LSAMP: variants seen among roughly 807,000 people sequenced by gnomAD.
The protein encoded by LSAMP is limbic system associated membrane protein.
A neutral mutation model predicts 38.6 loss-of-function variants in LSAMP; 7 were observed. That is an observed-to-expected ratio of 0.18 (90% CI 0.10 to 0.34). The LOEUF is 0.34. Among genes scored for constraint, LSAMP ranks in the 10% least tolerant of loss-of-function variants. The probability of loss-of-function intolerance (pLI) is 1.00; values close to 1 mark genes in which losing one functional copy is unlikely to be tolerated. For synonymous variants in LSAMP, 154 were observed against 166.8 expected, an observed-to-expected ratio of 0.92 and a Z score of 0.59; for missense variants, 313 against 420.0, an observed-to-expected ratio of 0.75 and a Z score of 2.23.
At chr3:116,275,057 AAT>A (rs2047030109) in intron 1 of LSAMP, among the ~76,000 whole-genome samples, 1 of 140,474 alleles carries the variant, frequency 7.1e-6, no homozygotes, top group African/African-American at 3.2e-5. Context: ...TTTAAAAATA[AAT>A]AAATAAATAA....
chr3:116,438,479 T>C (rs2049386607), intron 1 of LSAMP, among the ~76,000 whole-genome samples: 1 of 152,204 alleles, frequency 6.6e-6, no homozygotes, highest in African/African-American at 2.4e-5. Context: ...ATTACATCCT[T>C]TATGAAAAGT....
At chr3:116,383,831 A>G (rs2048592367) in intron 1 of LSAMP, among the ~76,000 whole-genome samples, 1 of 152,136 alleles carries the variant, frequency 6.6e-6, no homozygotes, top group African/African-American at 2.4e-5. Context: ...CATGACAATA[A>G]TTAGCTCTAG....
intron 1 of LSAMP, among the ~76,000 whole-genome samples, chr3:116,344,526 A>G (rs2048038739): frequency 1.3e-5 from 2 of 152,184 alleles, no homozygotes; most frequent in South Asian, 4.1e-4. Flanking sequence ...ACCATACCCT[A>G]TTCACTAAAG....
intron 1 of LSAMP, among the ~76,000 whole-genome samples, chr3:116,394,595 T>C (rs1256879332): frequency 6.6e-6 from 1 of 152,124 alleles, no homozygotes; most frequent in Non-Finnish European, 1.5e-5. Context: ...GCCCCCTCAT[T>C]ATGCTCACTT....
At chr3:116,029,117 T>G (rs1224933968) in intron 2 of LSAMP, among the ~76,000 whole-genome samples, 4 of 152,168 alleles carry the variant, frequency 2.6e-5, no homozygotes, top group Non-Finnish European at 5.9e-5. Context: ...AAAATTGGTC[T>G]TCTTTAATTT....
intron 1 of LSAMP, among the ~76,000 whole-genome samples, chr3:116,164,605 T>TATATATATATATATAATCCAA (rs1559766265): frequency 1.9e-4 from 23 of 117,986 alleles, no homozygotes; most frequent in African/African-American, 3.8e-4. Flanking sequence ...AATCCAAATA[T>TATATATATATATATAATCCAA]ATATATATAT....
intron 1 of LSAMP, among the ~76,000 whole-genome samples, chr3:116,141,307 G>C (rs550109664): frequency 3.6e-4 from 54 of 151,788 alleles, no homozygotes; most frequent in Non-Finnish European, 5.4e-4. Context: ...TGGACAATTG[G>C]AAGAGACATG....
intron 1 of LSAMP, among the ~76,000 whole-genome samples, chr3:116,232,816 C>G (rs369486085): frequency 1.4e-5 from 2 of 146,858 alleles, no homozygotes; most frequent in South Asian, 4.4e-4. Context: ...TTAAATGAAC[C>G]TAGCTGGGTT....
intron 2 of LSAMP, among the ~76,000 whole-genome samples, chr3:116,044,430 C>T (rs1419659047): frequency 2.6e-5 from 4 of 152,030 alleles, no homozygotes; most frequent in Non-Finnish European, 5.9e-5. Context: ...TAATATTCGT[C>T]TCTGCAAGGG....
intron 1 of LSAMP, among the ~76,000 whole-genome samples, chr3:116,112,901 T>G (rs1231924634): frequency 9.2e-5 from 14 of 152,174 alleles, no homozygotes; most frequent in Non-Finnish European, 1.8e-4. Context: ...ATTCTGTGGC[T>G]CTGACAGGAG....
chr3:116,291,810 G>A (rs1360578900), intron 1 of LSAMP, among the ~76,000 whole-genome samples: 2 of 152,092 alleles, frequency 1.3e-5, no homozygotes, highest in Non-Finnish European at 2.9e-5. Flanking sequence ...TCCATTTTCA[G>A]GCCACACTTT....
intron 2 of LSAMP, among the ~76,000 whole-genome samples, chr3:116,070,801 G>A (rs1277509765): frequency 6.6e-6 from 1 of 152,106 alleles, no homozygotes; most frequent in Non-Finnish European, 1.5e-5. Context: ...AAAACTTTGG[G>A]AGGCCAAGGT....
At chr3:116,108,866 G>A (rs1708532201) in intron 1 of LSAMP, among the ~76,000 whole-genome samples, 1 of 152,154 alleles carries the variant, frequency 6.6e-6, no homozygotes, top group Non-Finnish European at 1.5e-5. Context: ...AGATGTGGCT[G>A]GGGTTTGTCT....
Position 116,104,581 on chromosome 3 carries a change from G to A in LSAMP, c.156-18025C>T, listed in dbSNP as rs183325652. 7.9e-4 allele frequency among the ~76,000 whole-genome samples: 120 copies of A among 152,174 alleles called. 1 individual carries two copies. The highest frequency in any genetic ancestry group is 1.1e-3 in the Non-Finnish European group (73 of 67,986). ...CCCTTTCTATTATATCATTTTTGCC[G>A]AAATCATCCATTTTAAAACAACATA... On this transcript the variant is annotated intron_variant, in intron 1 of 6. Coordinates refer to ENST00000490035, the MANE Select transcript of LSAMP (RefSeq NM_002338.5).
intron 1 of LSAMP, among the ~76,000 whole-genome samples, chr3:116,219,017 C>T (rs760264898): frequency 1.2e-4 from 19 of 152,318 alleles, no homozygotes; most frequent in Non-Finnish European, 2.5e-4. Flanking sequence ...TTATTGCTTA[C>T]TATAAGTACC....
intron 2 of LSAMP, among the ~76,000 whole-genome samples, chr3:116,085,025 C>T (rs1707956774): frequency 1.3e-5 from 2 of 151,968 alleles, no homozygotes; most frequent in Admixed American, 1.3e-4. Flanking sequence ...GGTAAATTAA[C>T]CCATTGGCAT....
chr3:115,956,024 C>T (rs928002719), intron 3 of LSAMP, among the ~76,000 whole-genome samples: 38 of 152,128 alleles, frequency 2.5e-4, no homozygotes, highest in African/African-American at 9.2e-4. Flanking sequence ...CTAGAAGAGG[C>T]TTACCAGTTC....
chr3:116,355,518 T>C (rs2048211584), intron 1 of LSAMP, among the ~76,000 whole-genome samples: 1 of 152,164 alleles, frequency 6.6e-6, no homozygotes, highest in Admixed American at 6.5e-5. Flanking sequence ...CTCCACAACA[T>C]TGGCTTGGGC....
intron 1 of LSAMP, among the ~76,000 whole-genome samples, chr3:116,331,696 C>CAGAT (rs1221770793): frequency 6.6e-6 from 1 of 151,998 alleles, no homozygotes; most frequent in Non-Finnish European, 1.5e-5. Flanking sequence ...GAAAGGACAC[C>CAGAT]AGATAGTAAC....
Sources: allele counts gnomAD v4.1 joint callset (sites outside exome capture counted in the v4.1 genomes callset), GRCh38; gene constraint gnomAD v4.1.1; transcripts MANE v1.5; gene names NCBI Gene and HGNC (gene_info 2026-07-23, HGNC 2026-07-21).